The following SCCPDH variants were observed in gnomAD, a reference collection of about 807,000 sequenced individuals.
SCCPDH encodes the protein saccharopine dehydrogenase (putative), also known as saccharopine dehydrogenase-like oxidoreductase.
In SCCPDH, 34 loss-of-function variants were observed where a neutral mutation model predicts 51.5. The ratio of observed to expected loss-of-function variants is 0.66; its 90% CI spans 0.50 to 0.88. The LOEUF is 0.88. Among genes scored for constraint, SCCPDH ranks in the 40% least tolerant of loss-of-function variants. The pLI, the probability that SCCPDH is intolerant of heterozygous loss-of-function variation, is 0.00. For synonymous variants in SCCPDH, 187 were observed against 191.3 expected (o/e 0.98, Z 0.19); for missense variants, 464 against 527.1 (o/e 0.88, Z 1.17).
intron 3 of SCCPDH, 104 bp downstream of exon 3, chr1:246,736,159 A>G (rs1207322844): frequency 1.4e-5 from 10 of 702,510 alleles, no homozygotes; most frequent in East Asian, 2.7e-5. Flanking sequence ...GAAGCCGACA[A>G]CTCCTTTCTA....
At chr1:246,727,894 T>C (rs1668426326) in intron 2 of SCCPDH, among the ~76,000 whole-genome samples, 1 of 152,106 alleles carries the variant, frequency 6.6e-6, no homozygotes, top group Admixed American at 6.6e-5. Flanking sequence ...ATGTGGATTT[T>C]TTTTCCAGGT....
At chr1:246,764,659 G>T (rs1669063487) in intron 10 of SCCPDH, among the ~76,000 whole-genome samples, 1 of 152,204 alleles carries the variant, frequency 6.6e-6, no homozygotes, top group Admixed American at 6.5e-5. Context: ...AATCTCATAT[G>T]CAAGTAGTGT....
At chr1:246,761,578 C>T (rs1292389996) in intron 9 of SCCPDH, among the ~76,000 whole-genome samples, 2 of 152,186 alleles carry the variant, frequency 1.3e-5, no homozygotes, top group Admixed American at 6.5e-5. Context: ...CCCCCAGCCC[C>T]GGCAACCGCA....
intron 2 of SCCPDH, among the ~76,000 whole-genome samples, chr1:246,733,768 G>C (rs1472573605): frequency 6.6e-6 from 1 of 152,174 alleles, no homozygotes; most frequent in East Asian, 1.9e-4. Context: ...TGTATATGAT[G>C]TTTTATAAGT....
At chr1:246,732,038 T>G (rs573486029) in intron 2 of SCCPDH, among the ~76,000 whole-genome samples, 1 of 151,688 alleles carries the variant, frequency 6.6e-6, no homozygotes, top group African/African-American at 2.4e-5. Flanking sequence ...GCAAAGGACA[T>G]GAACTCATCC....
intron 5 of SCCPDH, among the ~76,000 whole-genome samples, chr1:246,750,969 C>A (rs1470012500): frequency 1.3e-5 from 2 of 152,232 alleles, no homozygotes; most frequent in Non-Finnish European, 2.9e-5. Context: ...ACTCTGAGGA[C>A]TGCGTCACAC....
intron 3 of SCCPDH, among the ~76,000 whole-genome samples, chr1:246,737,865 T>C (rs1459410438): frequency 1.3e-5 from 2 of 152,078 alleles, no homozygotes; most frequent in African/African-American, 4.8e-5. Context: ...ATGCTGGGAT[T>C]ACAGGCATGA....
At position 246,726,834 on chromosome 1, in the gene SCCPDH, T is replaced by C. The variant is rs1572291055; in HGVS notation, c.191-58T>C. On this transcript the variant is annotated intron_variant, in intron 1 of 11. Transcript: ENST00000366510. Reference sequence around the variant, plus strand: ...GTCACTGATTACTGTAAAAAGAAGATAAGGAAGATATAATCCTCTACTGGG... The same window carrying C: ...GTCACTGATTACTGTAAAAAGAAGACAAGGAAGATATAATCCTCTACTGGG... The C allele has an allele frequency of 2.0e-5, 24 of 1,190,872 alleles. No homozygotes were observed. The South Asian group carries it at 3.0e-4, about 15-fold the overall frequency. The allele number at this position is 1,190,872 out of a possible 1,614,324, so 73.8% of individuals were successfully genotyped here.
Position 246,766,147 on chromosome 1 carries a change from T to G in SCCPDH, c.1184+8T>G. 6.3e-7 allele frequency: 1 copy of G among 1,588,186 alleles called. No homozygotes were observed. Among genetic ancestry groups the G allele is most frequent in the East Asian group, 2.2e-5 (1 of 44,692 alleles). On this transcript the variant is annotated splice_region_variant and intron_variant, in intron 11 of 11. Coordinates refer to ENST00000366510, the MANE Select transcript of SCCPDH (RefSeq NM_016002.3). ...TTCTCATCTGCCTAAGGCGTAAGTT[T>G]GGTTTTCTTCCAATTAGAAGATCTT...
chr1:246,765,561 T>C (rs1480904857), intron 10 of SCCPDH, among the ~76,000 whole-genome samples: 1 of 152,258 alleles, frequency 6.6e-6, no homozygotes, highest in Non-Finnish European at 1.5e-5. Context: ...TTAGTCGTTA[T>C]TCTTTAAGAA....
chr1:246,765,944 GA>G (rs1427527987), intron 10 of SCCPDH, 113 bp from the exon 11 acceptor site: 25 of 690,826 alleles, frequency 3.6e-5, no homozygotes, highest in Middle Eastern at 5.0e-4. Context: ...AGTATCTATT[GA>G]AAAAAATCTG....
In SCCPDH at chr1:246,740,306, T is replaced by G. The variant is rs1395272981; in HGVS notation, c.514+5T>G. ...ATACCAGAAATAAAATGAATGGTAA[T>G]TATTGATCAATAAGCAATAATGGAA... On this transcript the variant is annotated splice_donor_5th_base_variant and intron_variant, in intron 4 of 11. Coordinates refer to ENST00000366510, the MANE Select transcript of SCCPDH (RefSeq NM_016002.3). 1 of 1,586,776 alleles carries G rather than the reference T, an allele frequency of 6.3e-7. No individual in the cohort carries two copies. The highest frequency in any genetic ancestry group is 2.3e-5 in the East Asian group (1 of 44,414).
chr1:246,764,254 T>A lies in SCCPDH; in HGVS notation c.999T>A (p.Ala333=). The A allele has an allele frequency of 6.2e-7, 1 of 1,611,456 alleles. No individual in the cohort carries two copies. Among genetic ancestry groups the A allele is most frequent in the Non-Finnish European group, 8.5e-7 (1 of 1,177,866 alleles). ...KQGPTQKQID[A]ASFTLTFFGQ... is the part of the protein sequence containing the mutation. The stretch of plus-strand genomic sequence containing the variant: ...TGCCTTCTCCTTCACAGATTGATGC[T>A]GCCTCATTCACGCTGACATTCTTTG... Residue 333 remains alanine (A), a synonymous_variant, in exon 10 of 12, where the codon GCT becomes GCA. Transcript: ENST00000366510.
At position 246,740,239 on chromosome 1, in the gene SCCPDH, G is replaced by A; in HGVS notation, c.452G>A (p.Ser151Asn). The A allele has an allele frequency of 1.2e-6, 2 of 1,609,994 alleles. No homozygotes were observed. The highest frequency in any genetic ancestry group is 1.7e-6 in the Non-Finnish European group (2 of 1,176,846). Residue 151 changes from serine to asparagine, a missense_variant, in exon 4 of 12, where the codon AGC becomes AAC. Transcript: ENST00000366510. Reference sequence around the variant, plus strand: ...GACAAAGGGGTTTATATCATTGGAAGCAGCGGCTTTGACTCCATTCCAGCA... The same window carrying A: ...GACAAAGGGGTTTATATCATTGGAAACAGCGGCTTTGACTCCATTCCAGCA... ...AADKGVYIIG[S>N]SGFDSIPADL...
intron 5 of SCCPDH, among the ~76,000 whole-genome samples, chr1:246,751,164 G>C (rs369958261): frequency 3.3e-5 from 5 of 152,232 alleles, no homozygotes; most frequent in African/African-American, 9.6e-5. Context: ...TTGACAATTA[G>C]CAGATCAGCT....
At chr1:246,740,088 G>A (rs1668655401) in intron 3 of SCCPDH, 84 bp from the exon 4 acceptor site, 1 of 1,110,408 alleles carries the variant, frequency 9.0e-7, no homozygotes, top group African/African-American at 1.6e-5. Flanking sequence ...AAGTTTGGTT[G>A]CTTTGTTTTT....
At chr1:246,730,614 G>T (rs532416164) in intron 2 of SCCPDH, among the ~76,000 whole-genome samples, 2 of 152,168 alleles carry the variant, frequency 1.3e-5, no homozygotes, top group African/African-American at 2.4e-5. Flanking sequence ...GGAATGTCTC[G>T]TAGTCAGTCC....
At position 246,765,980 on chromosome 1, in the gene SCCPDH, C is replaced by A. The variant is rs949247531; in HGVS notation, c.1103-78C>A. On this transcript the variant is annotated intron_variant, in intron 10 of 11. Coordinates refer to ENST00000366510, the MANE Select transcript of SCCPDH (RefSeq NM_016002.3). ...GCACACCTAGAGTAAGATATAAAAT[C>A]TACCATTTGATTTTTGATGTTGTTG... 6 of 941,174 alleles carry A rather than the reference C, an allele frequency of 6.4e-6. No individual in the cohort carries two copies. In the African/African-American group the frequency reaches 9.9e-5, roughly 16 times the overall value. The allele number at this position is 941,174 out of a possible 1,614,324, so 58.3% of individuals were successfully genotyped here.
At chr1:246,739,025 TTG>T (rs563225370) in intron 3 of SCCPDH, among the ~76,000 whole-genome samples, 1 of 152,036 alleles carries the variant, frequency 6.6e-6, no homozygotes, top group Non-Finnish European at 1.5e-5. Flanking sequence ...CTTAATGTGT[TTG>T]TGTGTGCATG....
Sources: allele counts gnomAD v4.1 joint callset (sites outside exome capture counted in the v4.1 genomes callset), GRCh38; gene constraint gnomAD v4.1.1; transcripts MANE v1.5; gene names NCBI Gene and HGNC (gene_info 2026-07-23, HGNC 2026-07-21).